The following INTS8 variants were observed in gnomAD, a reference collection of about 807,000 sequenced individuals.
INTS8 encodes integrator complex subunit 8, also known as protein kaonashi-1.
In INTS8, 47 loss-of-function variants were observed where a neutral mutation model predicts 138.9. The ratio of observed to expected loss-of-function variants is 0.34; its 90% CI spans 0.27 to 0.43. The LOEUF (loss-of-function observed/expected upper bound fraction) is 0.43. INTS8 is among the 20% of genes least tolerant of loss of function. The probability of loss-of-function intolerance (pLI) is 1.00; values close to 1 mark genes in which losing one functional copy is unlikely to be tolerated. For missense variants in INTS8, 996 were observed against 1,173.0 expected (o/e 0.85, Z 2.20); for synonymous variants, 392 against 400.9 (o/e 0.98, Z 0.27).
intron 26 of INTS8, among the ~76,000 whole-genome samples, chr8:94,877,731 T>C (rs1362049174): frequency 6.6e-6 from 1 of 152,212 alleles, no homozygotes; most frequent in African/African-American, 2.4e-5. Flanking sequence ...CCCAAAGCCA[T>C]GTCTTACTGT....
chr8:94,840,682 C>G (rs1291272715), intron 8 of INTS8, among the ~76,000 whole-genome samples: 1 of 151,374 alleles, frequency 6.6e-6, no homozygotes, highest in South Asian at 2.1e-4. Flanking sequence ...CTCAGCCTCC[C>G]GAGTAGCTGG....
chr8:94,846,407 T>G (rs1815333827), intron 10 of INTS8, among the ~76,000 whole-genome samples: 1 of 152,216 alleles, frequency 6.6e-6, no homozygotes, highest in South Asian at 2.1e-4. Context: ...CCTGAGTAGC[T>G]GGGACTACAG....
rs2131088825 is a variant in INTS8 at position 94,880,105 on chromosome 8, T to C, written c.2872-13T>C. On this transcript the variant is annotated splice_polypyrimidine_tract_variant and intron_variant, in intron 26 of 26. Transcript: ENST00000523731. ...GACACACCTCTAATAACATCACTTT[T>C]CTGTTTTGGAAGATCAAAGCCATCG... The C allele has an allele frequency of 6.3e-7, 1 of 1,579,048 alleles. No homozygotes were observed.
In INTS8 at chr8:94,851,590, A is replaced by G. The variant is rs142417052; in HGVS notation, c.1545A>G (p.Gln515=). 9.4e-6 allele frequency: 15 copies of G among 1,597,056 alleles called. No homozygotes were observed. The highest frequency in any genetic ancestry group is 2.3e-5 in the East Asian group (1 of 43,788). Residue 515 remains glutamine (Q), a synonymous_variant, in exon 13 of 27, where the codon CAA becomes CAG. Transcript: ENST00000523731. The stretch of plus-strand genomic sequence containing the variant: ...TCAACATTGGTCAGTTAGAGCATCA[A>G]CTTATATTGTCAGTGGATCCTTGGA... ...ASVNIGQLEH[Q]LILSVDPWRI...
chr8:94,832,197 A>G (rs775512897), intron 6 of INTS8, 23 bp downstream of exon 6: 10 of 1,587,078 alleles, frequency 6.3e-6, no homozygotes, highest in Non-Finnish European at 8.6e-6. Context: ...TACTTAATTT[A>G]CGTAGGGCAA....
intron 20 of INTS8, chr8:94,867,872 A>G (rs1398444859): frequency 6.6e-6 from 1 of 152,208 alleles, no homozygotes; most frequent in East Asian, 1.9e-4. Context: ...TTGGAACAGA[A>G]GATATAAGTG....
At chr8:94,856,704 C>G (rs2467678) in intron 14 of INTS8, 73 bp from the exon 15 acceptor site, 62,306 of 1,208,458 alleles carry the variant, frequency 0.052, 1,930 homozygotes, top group East Asian at 0.11. Flanking sequence ...CCTCTTTGCT[C>G]TGTCAACATA....
rs148788097 is a variant in INTS8, at chr8:94,851,582, G to C, written c.1537G>C (p.Glu513Gln). The C allele has an allele frequency of 2.0e-4, 319 of 1,593,328 alleles. No individual in the cohort carries two copies. The highest frequency in any genetic ancestry group is 2.5e-4 in the Non-Finnish European group (290 of 1,172,402). Reference sequence around the variant, plus strand: ...AGCAAGTGTCAACATTGGTCAGTTAGAGCATCAACTTATATTGTCAGTGGA... The same window carrying C: ...AGCAAGTGTCAACATTGGTCAGTTACAGCATCAACTTATATTGTCAGTGGA... Reference protein sequence around the residue: ...ASASVNIGQLEHQLILSVDPW... With the variant: ...ASASVNIGQLQHQLILSVDPW... Residue 513 changes from glutamate (E) to glutamine (Q), a missense_variant, in exon 13 of 27, where the codon GAG (glutamate) becomes CAG (glutamine). Physicochemically the swap from Glu to Gln is conservative, Grantham distance 29 (BLOSUM62 2). Coordinates refer to ENST00000523731, the MANE Select transcript of INTS8 (RefSeq NM_017864.4).
At chr8:94,857,312 TC>T (rs1360719971) in intron 15 of INTS8, among the ~76,000 whole-genome samples, 4 of 152,048 alleles carry the variant, frequency 2.6e-5, no homozygotes, top group Non-Finnish European at 5.9e-5. Flanking sequence ...CCTCAGGTGA[TC>T]CACCCTCCTC....
At position 94,849,797 on chromosome 8, in the gene INTS8, ATTATACAGT is replaced by A. The variant is rs1486742528; in HGVS notation, c.1332-114_1332-106del. On this transcript the variant is annotated intron_variant, in intron 11 of 26. Coordinates refer to ENST00000523731, the MANE Select transcript of INTS8 (RefSeq NM_017864.4). ...ATTTTAAAATCTATTTTAAAATATC[ATTATACAGT>A]TTATGTAATGGTGGCTTTTTAAATG... is the stretch of plus-strand genomic sequence containing the variant. 17 of 700,752 alleles carry A rather than the reference ATTATACAGT, an allele frequency of 2.4e-5. No individual in the cohort carries two copies. The East Asian group carries it at 2.5e-4, about 10-fold the overall frequency. 43.4% of individuals were successfully genotyped at this position (700,752 alleles called of 1,614,324 possible). A position where few individuals can be genotyped will look rare whatever the true frequency, so the allele number is the denominator to read the frequency against.
chr8:94,871,760 G>A lies in INTS8; in HGVS notation c.2415-124G>A, dbSNP rs900178851. 3 of 657,422 alleles carry A rather than the reference G, an allele frequency of 4.6e-6. No homozygotes were observed. In the African/African-American group the frequency reaches 5.5e-5, roughly 12 times the overall value. The allele number at this position is 657,422 out of a possible 1,614,324, so 40.7% of individuals were successfully genotyped here. A position where few individuals can be genotyped will look rare whatever the true frequency, so the allele number is the denominator to read the frequency against. ...AGTTCTTATAATACATTTACTCCTA[G>A]TATTTAGCATTATATTTATGTTCAC... On this transcript the variant is annotated intron_variant, in intron 20 of 26. Coordinates refer to ENST00000523731, the MANE Select transcript of INTS8 (RefSeq NM_017864.4).
At chr8:94,866,500 G>A (rs76839131) in intron 18 of INTS8, 9,312 of 298,292 alleles carry the variant, frequency 0.031, 183 homozygotes, top group African/African-American at 0.044. Flanking sequence ...GCCCAGGCTA[G>A]TTTCTAACTC....
chr8:94,845,563 A>G (rs2131022451), intron 10 of INTS8, among the ~76,000 whole-genome samples: 1 of 152,264 alleles, frequency 6.6e-6, no homozygotes, highest in South Asian at 2.1e-4. Flanking sequence ...CCCGCGTTCA[A>G]GTGACTCTTC....
intron 14 of INTS8, among the ~76,000 whole-genome samples, chr8:94,856,322 A>G (rs1815743922): frequency 6.6e-6 from 1 of 152,218 alleles, no homozygotes; most frequent in African/African-American, 2.4e-5. Context: ...AGAGATGCAT[A>G]GGAAAGGACT....
chr8:94,873,640 T>TA (rs1304868363), intron 22 of INTS8, 163 bp downstream of exon 22: 1 of 584,488 alleles, frequency 1.7e-6, no homozygotes, highest in African/African-American at 1.9e-5. Context: ...TCCTTATTTC[T>TA]AGCACCTATT....
In INTS8 at chr8:94,866,169, T is replaced by C; in HGVS notation, c.2273T>C (p.Leu758Pro). ...TLGIMYRSEL[L>P]SFIKKLREPL... ...TTTTTGTTTTGTAGGAGTGAACTGC[T>C]TTCTTTTATCAAAAAATTACGAGTA... The change falls in exon 18 of 27, where the codon CTT (leucine) becomes CCT (proline). Residue 758 changes from leucine (L) to proline (P), a missense_variant. By Grantham distance (98) the Leu-to-Pro change is moderately conservative. Coordinates refer to ENST00000523731, the MANE Select transcript of INTS8 (RefSeq NM_017864.4). 1 of 1,302,612 alleles carries C rather than the reference T, an allele frequency of 7.7e-7. No individual in the cohort carries two copies. The highest frequency in any genetic ancestry group is 1.1e-6 in the Non-Finnish European group (1 of 916,424). 80.7% of individuals were successfully genotyped at this position (1,302,612 alleles called of 1,614,324 possible).
At chr8:94,852,544 C>A (rs934124978) in intron 13 of INTS8, among the ~76,000 whole-genome samples, 7 of 151,764 alleles carry the variant, frequency 4.6e-5, no homozygotes, top group Admixed American at 4.6e-4. Context: ...CATACTTACT[C>A]CTCCCCTGCT....
At chr8:94,823,794 T>C (rs1814375874) in intron 1 of INTS8, among the ~76,000 whole-genome samples, 1 of 152,216 alleles carries the variant, frequency 6.6e-6, no homozygotes, top group Admixed American at 6.5e-5. Context: ...GGTGCTGTCA[T>C]CCTAAACCCT....
intron 19 of INTS8, 34 bp from the exon 20 acceptor site, chr8:94,867,242 T>C: frequency 6.2e-7 from 1 of 1,600,654 alleles, no homozygotes; most frequent in Non-Finnish European, 8.5e-7. Flanking sequence ...AAGAAATTTC[T>C]TTGTAAATCA....
Sources: allele counts gnomAD v4.1 joint callset (sites outside exome capture counted in the v4.1 genomes callset), GRCh38; gene constraint gnomAD v4.1.1; transcripts MANE v1.5; gene names NCBI Gene and HGNC (gene_info 2026-07-23, HGNC 2026-07-21).